The following ADHFE1 variants were observed in gnomAD, a reference collection of about 807,000 sequenced individuals.
ADHFE1 encodes alcohol dehydrogenase iron containing 1, also known as hydroxyacid-oxoacid transhydrogenase, mitochondrial.
A neutral mutation model predicts 54.8 loss-of-function variants in ADHFE1; 37 were observed. That is an observed-to-expected ratio of 0.68 (90% CI 0.52 to 0.89). The LOEUF (loss-of-function observed/expected upper bound fraction) is 0.89. ADHFE1 is among the 40% of genes least tolerant of loss of function. The probability of loss-of-function intolerance (pLI) is 0.00; values close to 1 mark genes in which losing one functional copy is unlikely to be tolerated. For missense variants in ADHFE1, 601 were observed against 591.2 expected, an observed-to-expected ratio of 1.02 and a Z score of -0.17; for synonymous variants, 203 against 229.3, an observed-to-expected ratio of 0.89 and a Z score of 1.04.
chr8:66,448,156 C>T (rs996811831), intron 7 of ADHFE1, among the ~76,000 whole-genome samples: 9 of 152,154 alleles, frequency 5.9e-5, no homozygotes, highest in African/African-American at 2.2e-4. Context: ...TTGGCTAATG[C>T]GGTAGAAATG....
chr8:66,453,809 G>A lies in ADHFE1; in HGVS notation c.888-250G>A, dbSNP rs771614513. 212 of 1,450,384 alleles carry A rather than the reference G, an allele frequency of 1.5e-4. 1 individual carries two copies. Among genetic ancestry groups the A allele is most frequent in the Admixed American group, 4.0e-4 (22 of 54,530 alleles). The allele number at this position is 1,450,384 out of a possible 1,614,324, so 89.8% of individuals were successfully genotyped here. A position where few individuals can be genotyped will look rare whatever the true frequency, so the allele number is the denominator to read the frequency against. On this transcript the variant is annotated intron_variant, in intron 9 of 13. Transcript: ENST00000396623. The stretch of plus-strand genomic sequence containing the variant: ...CAGGGACCAGCGCGTTGCCTCCCCC[G>A]GCGCTTTTACATCACATGAGCAGCT...
chr8:66,468,556 G>GT lies in ADHFE1; in HGVS notation c.*206dup. The GT allele has an allele frequency of 2.9e-6, 1 of 345,804 alleles. No individual in the cohort carries two copies. The allele number at this position is 345,804 out of a possible 1,614,324, so 21.4% of individuals were successfully genotyped here. A position where few individuals can be genotyped will look rare whatever the true frequency, so the allele number is the denominator to read the frequency against. On this transcript the variant is annotated 3_prime_UTR_variant, in exon 14 of 14. Coordinates refer to ENST00000396623, the MANE Select transcript of ADHFE1 (RefSeq NM_144650.3). ...AACAGGCTGGACAAATGACCACTAT[G>GT]TTAGACCCCCAGGCTCGACTTCAGG...
Position 66,451,942 on chromosome 8 carries a change from T to G in ADHFE1, c.735-11T>G. 5.0e-6 allele frequency: 8 copies of G among 1,613,036 alleles called. No individual in the cohort carries two copies. Among genetic ancestry groups the G allele is most frequent in the Non-Finnish European group, 6.8e-6 (8 of 1,179,550 alleles). ...GCTTTCCATCTGTGTACTTTCAATA[T>G]TTCTTTTTAGCCATGCCCTGGAGTC... is the stretch of plus-strand genomic sequence containing the variant. On this transcript the variant is annotated splice_polypyrimidine_tract_variant and intron_variant, in intron 8 of 13. Coordinates refer to ENST00000396623, the MANE Select transcript of ADHFE1 (RefSeq NM_144650.3).
At position 66,432,537 on chromosome 8, in the gene ADHFE1, C is replaced by A; in HGVS notation, c.21C>A (p.Ala7=). MAAAAR[A]RVAYLLRQLQ... ...GCGCCATGGCCGCTGCCGCCCGAGC[C>A]CGGGTCGCGTACTTGCTGAGGCAAC... The change falls in exon 1 of 14, where the codon GCC becomes GCA. Residue 7 remains alanine (A), a synonymous_variant. Transcript: ENST00000396623. 7.3e-7 allele frequency: 1 copy of A among 1,360,664 alleles called. No homozygotes were observed. The highest frequency in any genetic ancestry group is 1.8e-5 in the South Asian group (1 of 54,706). The allele number at this position is 1,360,664 out of a possible 1,614,324, so 84.3% of individuals were successfully genotyped here. A position where few individuals can be genotyped will look rare whatever the true frequency, so the allele number is the denominator to read the frequency against.
chr8:66,434,223 A>T (rs1394227738), intron 1 of ADHFE1, among the ~76,000 whole-genome samples: 1 of 152,210 alleles, frequency 6.6e-6, no homozygotes, highest in Non-Finnish European at 1.5e-5. Flanking sequence ...TCATTTACCA[A>T]GGCAGGGATT....
At position 66,464,865 on chromosome 8, in the gene ADHFE1, C is replaced by T. The variant is rs182863624; in HGVS notation, c.1321-3404C>T. On this transcript the variant is annotated intron_variant, in intron 13 of 13. Transcript: ENST00000396623. ...GTGGTGTGTCTGTTAAACACGAATT[C>T]CCCGTTCTCCCCTTCTCACAGCCCC... Among the ~76,000 whole-genome samples the T allele has an allele frequency of 5.5e-3, 844 of 152,232 alleles. 3 individuals are homozygous for T. Among genetic ancestry groups the T allele is most frequent in the Middle Eastern group, 0.01 (3 of 294 alleles).
chr8:66,454,076 A>G lies in ADHFE1; in HGVS notation c.905A>G (p.Asp302Gly), dbSNP rs144506126. The change falls in exon 10 of 14, where the codon GAT (aspartate) becomes GGT (glycine). Residue 302 changes from aspartate (D) to glycine (G), a missense_variant. Physicochemically the swap from Asp to Gly is moderately conservative, Grantham distance 94. Transcript: ENST00000396623. ...ATTCACAGGGCTGTCAGAAATCCCG[A>G]TGATCTTGAAGCAAGGTCTCATATG... is the stretch of plus-strand genomic sequence containing the variant. ...KYLKRAVRNP[D>G]DLEARSHMHL... 6.1e-5 allele frequency: 99 copies of G among 1,613,950 alleles called. 1 individual carries two copies. The highest frequency in any genetic ancestry group is 5.0e-5 in the Admixed American group (3 of 59,976).
rs79881428 is a variant in ADHFE1, at chr8:66,435,446, C to G, written c.59+2871C>G. Among the ~76,000 whole-genome samples the G allele has an allele frequency of 4.0e-3, 610 of 152,034 alleles. 4 individuals are homozygous for G. Among genetic ancestry groups the G allele is most frequent in the African/African-American group, 0.014 (574 of 41,454 alleles). On this transcript the variant is annotated intron_variant, in intron 1 of 13. Transcript: ENST00000396623. ...TACCTTCGGTTCCTTAGCTTGTGGCCCCTTCCTCCATCTTCACAGCTGGCA... is the reference window on the plus strand; with the variant it reads ...TACCTTCGGTTCCTTAGCTTGTGGCGCCTTCCTCCATCTTCACAGCTGGCA...
intron 1 of ADHFE1, among the ~76,000 whole-genome samples, chr8:66,435,680 G>A (rs543570452): frequency 1.1e-4 from 15 of 136,736 alleles, no homozygotes; most frequent in South Asian, 4.6e-4. Context: ...ATGTGATCAC[G>A]GCTCACTGCA....
chr8:66,446,281 G>A (rs1806018899), intron 6 of ADHFE1, among the ~76,000 whole-genome samples: 1 of 152,198 alleles, frequency 6.6e-6, no homozygotes, highest in South Asian at 2.1e-4. Context: ...GATTAGTAAA[G>A]TTTAGAAACT....
intron 1 of ADHFE1, 152 bp from the exon 2 acceptor site, chr8:66,440,010 T>C: frequency 1.3e-6 from 1 of 776,266 alleles, no homozygotes; most frequent in South Asian, 1.9e-5. Flanking sequence ...TGGGTCTATA[T>C]ATATTTTTTC....
chr8:66,458,590 A>G (rs1806720268), intron 12 of ADHFE1, among the ~76,000 whole-genome samples: 1 of 152,204 alleles, frequency 6.6e-6, no homozygotes, highest in Non-Finnish European at 1.5e-5. Flanking sequence ...AATCTTAGAG[A>G]ACTTAAAGTT....
chr8:66,451,622 T>C (rs947828234), intron 8 of ADHFE1, among the ~76,000 whole-genome samples: 2 of 152,252 alleles, frequency 1.3e-5, no homozygotes, highest in African/African-American at 4.8e-5. Flanking sequence ...GAAGTCATTT[T>C]TTAGATTCAG....
chr8:66,437,852 G>A (rs1415992126), intron 1 of ADHFE1, among the ~76,000 whole-genome samples: 3 of 152,182 alleles, frequency 2.0e-5, no homozygotes, highest in East Asian at 1.9e-4. Flanking sequence ...CTGCAGCCTC[G>A]GGCCTCAGGG....
At chr8:66,442,099 G>A (rs1015835171) in intron 2 of ADHFE1, among the ~76,000 whole-genome samples, 6 of 151,724 alleles carry the variant, frequency 4.0e-5, no homozygotes, top group Non-Finnish European at 5.9e-5. Context: ...ATTCAAACAA[G>A]TTATCACAGT....
intron 13 of ADHFE1, among the ~76,000 whole-genome samples, chr8:66,464,182 A>G (rs1047467790): frequency 6.6e-6 from 1 of 152,312 alleles, no homozygotes; most frequent in South Asian, 2.1e-4. Context: ...TTACATGCCT[A>G]TAAATAATAG....
chr8:66,442,445 G>A (rs1254204529), intron 2 of ADHFE1, among the ~76,000 whole-genome samples: 6 of 151,512 alleles, frequency 4.0e-5, no homozygotes, highest in South Asian at 2.1e-4. Flanking sequence ...CGAGTAGCTC[G>A]GACTACAGGC....
At chr8:66,466,551 A>AC (rs1189342401) in intron 13 of ADHFE1, among the ~76,000 whole-genome samples, 1 of 62,036 alleles carries the variant, frequency 1.6e-5, no homozygotes, top group African/African-American at 9.6e-5. Context: ...TTTACCAGAC[A>AC]AAACAAATAC....
chr8:66,456,593 T>C (rs1243123893), intron 10 of ADHFE1, among the ~76,000 whole-genome samples: 2 of 152,246 alleles, frequency 1.3e-5, no homozygotes, highest in African/African-American at 4.8e-5. Context: ...TACAATTCTA[T>C]GAGCATTTGA....
Sources: allele counts gnomAD v4.1 joint callset (sites outside exome capture counted in the v4.1 genomes callset), GRCh38; gene constraint gnomAD v4.1.1; transcripts MANE v1.5; gene names NCBI Gene and HGNC (gene_info 2026-07-23, HGNC 2026-07-21).